The following KDM5B variants were observed in gnomAD, a reference collection of about 807,000 sequenced individuals.
KDM5B encodes lysine-specific demethylase 5B.
Under a neutral mutation model 193.4 loss-of-function variants are expected in KDM5B, and 144 were observed. The ratio of observed to expected loss-of-function variants is 0.74; its 90% confidence interval spans 0.65 to 0.86. The LOEUF is 0.86. Among genes scored for constraint, KDM5B ranks in the 40% least tolerant of loss-of-function variants. The pLI, the probability that KDM5B is intolerant of heterozygous loss-of-function variation, is 0.00. For missense variants in KDM5B, 1,833 were observed against 1,886.9 expected (o/e 0.97, Z 0.53); for synonymous variants, 668 against 682.6 (o/e 0.98, Z 0.33).
intron 16 of KDM5B, among the ~76,000 whole-genome samples, chr1:202,745,286 A>C (rs1266653849): frequency 1.3e-5 from 2 of 152,236 alleles, no homozygotes; most frequent in African/African-American, 4.8e-5. Context: ...ACACAAGTTT[A>C]TCTATGTAAC....
chr1:202,762,780 T>C lies in KDM5B; in HGVS notation c.837A>G (p.Gln279=). 1 of 1,608,688 alleles carries C rather than the reference T, an allele frequency of 6.2e-7. No homozygotes were observed. The highest frequency in any genetic ancestry group is 1.1e-5 in the South Asian group (1 of 90,958). Residue 279 remains glutamine, a synonymous_variant, in exon 7 of 27, where the codon CAA becomes CAG. Coordinates refer to ENST00000367265, the MANE Select transcript of KDM5B (RefSeq NM_006618.5). ...NEKEMKSSIK[Q]EPIERKDYIV... ...TATAATCTTTCCTCTCAATAGGTTC[T>C]TGCTTGATGCTACTCTTCATTTCTT...
chr1:202,727,282 A>C lies in KDM5B; in HGVS notation c.*1754T>G, dbSNP rs2102201753. On this transcript the variant is annotated 3_prime_UTR_variant, in exon 27 of 27. Coordinates refer to ENST00000367265, the MANE Select transcript of KDM5B (RefSeq NM_006618.5). ...GATTCTAAGAATTTGAATACTAACA[A>C]GGCCAAACCACGATGATTCCAAATT... The C allele has an allele frequency of 6.6e-6, 1 of 152,350 alleles. No homozygotes were observed. Among genetic ancestry groups the C allele is most frequent in the African/African-American group, 2.4e-5 (1 of 41,570 alleles). The allele number at this position is 152,350 out of a possible 1,614,324, so 9.4% of individuals were successfully genotyped here. A position where few individuals can be genotyped will look rare whatever the true frequency, so the allele number is the denominator to read the frequency against.
In KDM5B at chr1:202,731,021, A is replaced by G. The variant is rs1158312389; in HGVS notation, c.4064T>C (p.Leu1355Pro). The G allele has an allele frequency of 6.2e-7, 1 of 1,613,752 alleles. No homozygotes were observed. Among genetic ancestry groups the G allele is most frequent in the South Asian group, 1.1e-5 (1 of 91,048 alleles). The change falls in exon 25 of 27, where the codon CTG (leucine) becomes CCG (proline). Residue 1355 changes from leucine to proline, a missense_variant. By Grantham distance (98) the Leu-to-Pro change is moderately conservative. Transcript: ENST00000367265. Reference protein sequence around the residue: ...EVNELLMEAQLLQVSLPEIQE... With the variant: ...EVNELLMEAQPLQVSLPEIQE... ...AATTTCAGGAAGGGATACCTGGAGC[A>G]GCTGGGCTTCCATCAATAGTTCATT... is the stretch of plus-strand genomic sequence containing the variant.
At chr1:202,804,836 G>T (rs1658218920) in intron 1 of KDM5B, among the ~76,000 whole-genome samples, 1 of 145,802 alleles carries the variant, frequency 6.9e-6, no homozygotes, top group Non-Finnish European at 1.5e-5. Flanking sequence ...TGCACTCCAG[G>T]CCTGGGCAAC....
intron 1 of KDM5B, among the ~76,000 whole-genome samples, chr1:202,792,352 A>G (rs1214588607): frequency 6.6e-6 from 1 of 151,492 alleles, no homozygotes; most frequent in Admixed American, 6.6e-5. Context: ...GGAGCTTTTT[A>G]AAATTCAAAC....
Position 202,774,651 on chromosome 1 carries a change from CAT to C in KDM5B, c.365_366del (p.His122ArgfsTer12). ...ELQGSTLKIP[H>X]VERKILDLFQ... ...AATAAGTCCAAGATCTTCCTCTCCACATGTGGAATTTTCAGAGTACTTCCCTG... is the reference window on the plus strand; with the variant it reads ...AATAAGTCCAAGATCTTCCTCTCCACGTGGAATTTTCAGAGTACTTCCCTG... On this transcript the variant is annotated frameshift_variant, in exon 3 of 27. Transcript: ENST00000367265. LOFTEE classifies it high-confidence loss of function. 1.2e-6 allele frequency: 2 copies of C among 1,612,966 alleles called. No individual in the cohort carries two copies. The highest frequency in any genetic ancestry group is 1.7e-5 in the Admixed American group (1 of 60,014).
At chr1:202,804,611 T>G (rs1658208852) in intron 1 of KDM5B, among the ~76,000 whole-genome samples, 1 of 152,192 alleles carries the variant, frequency 6.6e-6, no homozygotes, top group Non-Finnish European at 1.5e-5. Context: ...GCTATAAAGA[T>G]GAAGGAATCA....
chr1:202,731,001 C>T lies in KDM5B; in HGVS notation c.4084G>A (p.Glu1362Lys). Residue 1362 changes from glutamate to lysine, a missense_variant, in exon 25 of 27, where the codon GAA becomes AAA. Glu to Lys is a moderately conservative substitution (Grantham distance 56). This residue lies in a region of KDM5B where 1,379 missense variants were observed against 1,349.6 expected (regional missense o/e 1.02). Coordinates refer to ENST00000367265, the MANE Select transcript of KDM5B (RefSeq NM_006618.5). ...EAQLLQVSLP[E>K]IQELYQTLLA... ...AAAGTCTGGTAAAGTTCCTGAATTT[C>T]AGGAAGGGATACCTGGAGCAGCTGG... 2 of 1,613,846 alleles carry T rather than the reference C, an allele frequency of 1.2e-6. No homozygotes were observed. The highest frequency in any genetic ancestry group is 1.7e-6 in the Non-Finnish European group (2 of 1,179,810).
chr1:202,751,831 T>A (rs1416474247), intron 12 of KDM5B, among the ~76,000 whole-genome samples: 1 of 152,078 alleles, frequency 6.6e-6, no homozygotes, highest in African/African-American at 2.4e-5. Context: ...AGAACCAGGG[T>A]CAGGTCTCAA....
In KDM5B at chr1:202,746,322, C is replaced by A; in HGVS notation, c.2018G>T (p.Gly673Val). Residue 673 changes from glycine to valine, a missense_variant and splice_region_variant, in exon 15 of 27, where the codon GGA (glycine) becomes GTA (valine). Coordinates refer to ENST00000367265, the MANE Select transcript of KDM5B (RefSeq NM_006618.5). ...ATCCATTCTTTCCGAATCAATCACT[C>A]CCTAGAATAAAGTATACTTTAGAGA... ...KALRETVRKLGVIDSERMDFE... is the reference protein window; with the variant it reads ...KALRETVRKLVVIDSERMDFE... The A allele has an allele frequency of 6.3e-7, 1 of 1,599,780 alleles. No individual in the cohort carries two copies. The highest frequency in any genetic ancestry group is 1.1e-5 in the South Asian group (1 of 89,050).
At position 202,741,441 on chromosome 1, in the gene KDM5B, A is replaced by G; in HGVS notation, c.2871T>C (p.Ala957=). Reference sequence around the variant, plus strand: ...TGAGCAGTTCCTGCAGCCGGGCCATAGCTTTCTCCACTGCTGAATACGGGG... The same window carrying G: ...TGAGCAGTTCCTGCAGCCGGGCCATGGCTTTCTCCACTGCTGAATACGGGG... ...GLAPYSAVEK[A]MARLQELLTV... Residue 957 remains alanine (A), a synonymous_variant, in exon 19 of 27, where the codon GCT becomes GCC. Transcript: ENST00000367265. 3 of 1,609,806 alleles carry G rather than the reference A, an allele frequency of 1.9e-6. No homozygotes were observed. Among genetic ancestry groups the G allele is most frequent in the Non-Finnish European group, 2.5e-6 (3 of 1,177,152 alleles).
At chr1:202,774,960 G>A (rs889873154) in intron 2 of KDM5B, among the ~76,000 whole-genome samples, 17 of 152,046 alleles carry the variant, frequency 1.1e-4, no homozygotes, top group African/African-American at 2.7e-4. Flanking sequence ...ATACATGGCC[G>A]GCCGGGCACG....
intron 9 of KDM5B, among the ~76,000 whole-genome samples, 175 bp from the exon 10 acceptor site, chr1:202,756,691 C>G (rs947807594): frequency 1.3e-5 from 2 of 152,166 alleles, no homozygotes; most frequent in African/African-American, 4.8e-5. Context: ...ATTTATGTTC[C>G]TCTATCACCA....
chr1:202,762,675 A>G (rs1164700419), intron 7 of KDM5B, 24 bp downstream of exon 7: 1 of 1,290,882 alleles, frequency 7.7e-7, no homozygotes, highest in Non-Finnish European at 1.1e-6. Context: ...GGAAAGAAAA[A>G]GGAGAAAGGG....
rs552717592 is a variant in KDM5B, at chr1:202,774,744, C to T, written c.283-9G>A. ...TTTACACGAGTTTGGGCCTAAAAGACAAAGAATTGAGTTTTCATCTCATTT... is the reference window on the plus strand; with the variant it reads ...TTTACACGAGTTTGGGCCTAAAAGATAAAGAATTGAGTTTTCATCTCATTT... On this transcript the variant is annotated splice_polypyrimidine_tract_variant and intron_variant, in intron 2 of 26. Coordinates refer to ENST00000367265, the MANE Select transcript of KDM5B (RefSeq NM_006618.5). 7.4e-6 allele frequency: 12 copies of T among 1,611,500 alleles called. No individual in the cohort carries two copies. The East Asian group carries it at 2.7e-4, about 36-fold the overall frequency.
chr1:202,805,929 A>C (rs1034377852), intron 1 of KDM5B, among the ~76,000 whole-genome samples: 1 of 152,188 alleles, frequency 6.6e-6, no homozygotes, highest in African/African-American at 2.4e-5. Context: ...GGAGGTCTCC[A>C]AACAGAGTAC....
intron 20 of KDM5B, among the ~76,000 whole-genome samples, chr1:202,738,643 G>A (rs1165540505): frequency 2.6e-5 from 4 of 151,986 alleles, no homozygotes; most frequent in African/African-American, 7.2e-5. Context: ...AAGCCAGATC[G>A]TATTTTATTT....
rs1657226156 is a variant in KDM5B, at chr1:202,782,198, TTA to T, written c.205-5106_205-5105del. The stretch of plus-strand genomic sequence containing the variant: ...CTACAAACTCTGTCATCTCTTCTGG[TTA>T]TAAAGAATGAGAGAAGAGATAAATG... On this transcript the variant is annotated intron_variant, in intron 1 of 26. Coordinates refer to ENST00000367265, the MANE Select transcript of KDM5B (RefSeq NM_006618.5). 2.0e-5 allele frequency among the ~76,000 whole-genome samples: 3 copies of T among 152,142 alleles called. No homozygotes were observed. The South Asian group carries it at 6.2e-4, about 32-fold the overall frequency.
chr1:202,740,191 G>A (rs1328603763), intron 20 of KDM5B, among the ~76,000 whole-genome samples: 3 of 143,844 alleles, frequency 2.1e-5, no homozygotes, highest in African/African-American at 5.3e-5. Context: ...GGGCAGAGGC[G>A]CCCCTCACCT....
Sources: gnomAD v4.1 joint callset for allele counts (sites outside exome capture counted in the v4.1 genomes callset) on GRCh38, gnomAD v4.1.1 for gene constraint, gnomAD v4.1.1 regional missense constraint, MANE v1.5 for transcripts, NCBI Gene and HGNC (gene_info 2026-07-23, HGNC 2026-07-21) for gene names.